Variants in ZNF320 observed in about 807,000 individuals in gnomAD.
ZNF320 encodes zinc finger protein 320, also known as zinc finger gene 320.
ZNF320 carries 2 observed loss-of-function variants against 6.8 expected under a neutral mutation model. The observed-to-expected ratio is 0.29, with a 90% confidence interval of 0.12 to 0.93. The LOEUF is 0.93. Among genes scored for constraint, ZNF320 ranks in the 40% least tolerant of loss-of-function variants. The pLI is 0.55. For synonymous variants in ZNF320, 208 were observed against 203.2 expected (o/e 1.02, Z -0.20); for missense variants, 472 against 611.0 (o/e 0.77, Z 2.40).
chr19:52,886,285 C>G (rs2064075250), intron 5 of ZNF320, among the ~76,000 whole-genome samples: 1 of 152,058 alleles, frequency 6.6e-6, no homozygotes, highest in African/African-American at 2.4e-5. Flanking sequence ...CAGCTGCCCA[C>G]CACTGTGCCT....
chr19:52,867,373 T>A (rs763344053), intron 5 of ZNF320, among the ~76,000 whole-genome samples: 1 of 151,880 alleles, frequency 6.6e-6, no homozygotes, highest in Non-Finnish European at 1.5e-5. Context: ...AATATTTGTA[T>A]TTTTAGTATA....
chr19:52,894,302 T>C (rs2064403182), intron 1 of ZNF320: 1 of 151,498 alleles, frequency 6.6e-6, no homozygotes, highest in Non-Finnish European at 1.5e-5. Flanking sequence ...AGAGAAGCAC[T>C]TGAACATGGA....
chr19:52,885,850 G>A (rs1298070756), intron 5 of ZNF320, among the ~76,000 whole-genome samples: 2 of 152,138 alleles, frequency 1.3e-5, no homozygotes, highest in South Asian at 2.1e-4. Flanking sequence ...AGGTTGTGGT[G>A]TCAAGATTGC....
In ZNF320 at chr19:52,866,142, TTA is replaced by T. The variant is rs1448101919; in HGVS notation, c.224-1985_224-1984del. ...TATATATGTATGATTATACATATAT[TTA>T]TATATGTATGATTATACATATATTT... is the stretch of plus-strand genomic sequence containing the variant. On this transcript the variant is annotated intron_variant, in intron 5 of 5. Coordinates refer to the ZNF320 transcript ENST00000673631. Among the ~76,000 whole-genome samples the T allele has an allele frequency of 4.4e-4, 23 of 52,424 alleles. 3 individuals carry two copies. The highest frequency in any genetic ancestry group is 1.6e-3 in the African/African-American group (16 of 10,298). The allele number at this position is 52,424 out of a possible 152,430, so 34.4% of individuals were successfully genotyped here. A position where few individuals can be genotyped will look rare whatever the true frequency, so the allele number is the denominator to read the frequency against.
chr19:52,872,264 T>C (rs1470759721), downstream of ZNF320, among the ~76,000 whole-genome samples: 1 of 152,216 alleles, frequency 6.6e-6, no homozygotes, highest in Non-Finnish European at 1.5e-5. Context: ...AGACACAAAA[T>C]ATCTCCCATA....
intron 4 of ZNF320, among the ~76,000 whole-genome samples, chr19:52,889,140 C>T (rs183295283): frequency 5.0e-4 from 76 of 151,624 alleles, no homozygotes; most frequent in African/African-American, 1.6e-3. Flanking sequence ...GCCGAGAAAT[C>T]GCCATTGCAC....
At chr19:52,864,704 C>A (rs1452569085) in intron 5 of ZNF320, among the ~76,000 whole-genome samples, 2 of 152,054 alleles carry the variant, frequency 1.3e-5, no homozygotes, top group African/African-American at 4.8e-5. Flanking sequence ...GAGAGACACT[C>A]CATCTCAATA....
chr19:52,864,653 G>A (rs891984925), intron 5 of ZNF320, among the ~76,000 whole-genome samples: 2 of 152,128 alleles, frequency 1.3e-5, no homozygotes, highest in African/African-American at 4.8e-5. Flanking sequence ...AGAGGATGCA[G>A]TGAGCCAAGA....
At chr19:52,889,563 C>T (rs917233506) in intron 4 of ZNF320, among the ~76,000 whole-genome samples, 5 of 152,276 alleles carry the variant, frequency 3.3e-5, no homozygotes, top group Middle Eastern at 3.4e-3. Context: ...AGTTTTACCA[C>T]AAACACCTGT....
chr19:52,863,021 A>C (rs934114117), exon 6 of ZNF320, among the ~76,000 whole-genome samples: 9 of 151,996 alleles, frequency 5.9e-5, no homozygotes, highest in Admixed American at 1.3e-4. Flanking sequence ...GTTGAAAGCC[A>C]CTGTGACTCG....
intron 5 of ZNF320, among the ~76,000 whole-genome samples, chr19:52,867,464 G>A (rs187616997): frequency 2.6e-5 from 4 of 152,080 alleles, no homozygotes; most frequent in African/African-American, 9.6e-5. Context: ...CCAAAGTGCT[G>A]GGATTACAGG....
rs773710581 is a variant in ZNF320, at chr19:52,881,167, C to T, written c.959G>A (p.Arg320His). The part of the protein sequence containing the change: ...FKQRATLAGH[R>H]RVHTGEKPYR... ...AGGTTTCTCTCCAGTGTGAACTCTA[C>T]GATGTCCTGCAAGAGTTGCTCGTTG... The change falls in exon 6 of 6, where the codon CGT becomes CAT. Residue 320 changes from arginine to histidine, a missense_variant. Around this residue, in one of 2 missense-constraint regions of ZNF320, gnomAD observed 462 missense variants for 559.7 expected, o/e 0.83. Coordinates refer to ENST00000682928, the MANE Select transcript of ZNF320 (RefSeq NM_001351774.2). The T allele has an allele frequency of 2.7e-5, 44 of 1,613,822 alleles. No homozygotes were observed. Among genetic ancestry groups the T allele is most frequent in the African/African-American group, 4.0e-5 (3 of 74,836 alleles).
intron 5 of ZNF320, 108 bp downstream of exon 5, chr19:52,888,019 T>C (rs2064149254): frequency 6.5e-7 from 1 of 1,529,758 alleles, no homozygotes; most frequent in Non-Finnish European, 8.8e-7. Context: ...TCAAAATCAA[T>C]ACAGCTTCCA....
chr19:52,903,753 C>T, the ZNF320 span, among the ~76,000 whole-genome samples: 15 of 151,514 alleles, frequency 9.9e-5, no homozygotes, highest in Admixed American at 2.0e-4. Context: ...CACACATACT[C>T]ACCACAAGAA....
exon 6 of ZNF320, chr19:52,862,272 T>C: frequency 1.5e-6 from 1 of 685,496 alleles, no homozygotes; most frequent in Non-Finnish European, 2.5e-6. Flanking sequence ...CTTGTAAGGT[T>C]TCTCTCCAGG....
chr19:52,884,919 C>G (rs2064029141), intron 5 of ZNF320, among the ~76,000 whole-genome samples: 1 of 152,096 alleles, frequency 6.6e-6, no homozygotes, highest in African/African-American at 2.4e-5. Flanking sequence ...GTTTTAAAAA[C>G]CTTGAGACAT....
chr19:52,883,792 T>C (rs2063995223), intron 5 of ZNF320: 1 of 314,408 alleles, frequency 3.2e-6, no homozygotes, highest in African/African-American at 2.3e-5. Flanking sequence ...TCCCAGCTAC[T>C]TGGGAATCTG....
chr19:52,900,134 A>ATCTGGTATATGTCTATGTG (rs1287285379), upstream of ZNF320, among the ~76,000 whole-genome samples: 1 of 152,148 alleles, frequency 6.6e-6, no homozygotes, highest in Non-Finnish European at 1.5e-5. Flanking sequence ...CTGTCTATGT[A>ATCTGGTATATGTCTATGTG]TCTGGTATAA....
chr19:52,892,379 AAACG>A (rs1459170036), intron 2 of ZNF320: 1 of 152,428 alleles, frequency 6.6e-6, no homozygotes. Context: ...AAAAACAAAC[AAACG>A]AACAAACAAA....
Sources: gnomAD v4.1 joint callset for allele counts (sites outside exome capture counted in the v4.1 genomes callset) on GRCh38, gnomAD v4.1.1 for gene constraint, gnomAD v4.1.1 regional missense constraint, MANE v1.5 for transcripts, NCBI Gene and HGNC (gene_info 2026-07-23, HGNC 2026-07-21) for gene names.